The following NUGGC variants were observed in gnomAD, a reference collection of about 807,000 sequenced individuals.
NUGGC encodes the protein nuclear GTPase SLIP-GC.
Under a neutral mutation model 92.6 loss-of-function variants are expected in NUGGC, and 58 were observed. The ratio of observed to expected loss-of-function variants is 0.63; its 90% confidence interval spans 0.51 to 0.78. The LOEUF is 0.78. Ranked by LOEUF, NUGGC falls within the 30% of genes least tolerant of loss-of-function variation. NUGGC has a pLI of 0.00. For synonymous variants in NUGGC, 376 were observed against 366.4 expected, an observed-to-expected ratio of 1.03 and a Z score of -0.30; for missense variants, 925 against 964.6, an observed-to-expected ratio of 0.96 and a Z score of 0.54.
intron 7 of NUGGC, among the ~76,000 whole-genome samples, chr8:28,063,256 C>G (rs1377819600): frequency 1.3e-5 from 2 of 152,208 alleles, no homozygotes; most frequent in Non-Finnish European, 2.9e-5. Flanking sequence ...CGGTGGGAAC[C>G]ATCCCTCGCT....
intron 10 of NUGGC, among the ~76,000 whole-genome samples, chr8:28,051,228 CTTG>C (rs1318669261): frequency 6.6e-6 from 1 of 152,144 alleles, no homozygotes; most frequent in Admixed American, 6.5e-5. Context: ...ACCTGAATAT[CTTG>C]TTGTAGCTAG....
intron 12 of NUGGC, among the ~76,000 whole-genome samples, chr8:28,041,621 G>A (rs1167770707): frequency 1.3e-5 from 2 of 152,136 alleles, no homozygotes; most frequent in African/African-American, 4.8e-5. Flanking sequence ...AGTTTTTAAG[G>A]ATAATGCTTC....
At chr8:28,077,186 A>G (rs1490850397) in intron 1 of NUGGC, among the ~76,000 whole-genome samples, 1 of 152,268 alleles carries the variant, frequency 6.6e-6, no homozygotes, top group African/African-American at 2.4e-5. Flanking sequence ...ATGCTGACAC[A>G]CATCAAAACC....
At chr8:28,069,444 T>G (rs1810529870) in intron 4 of NUGGC, 100 bp downstream of exon 4, 1 of 645,736 alleles carries the variant, frequency 1.5e-6, no homozygotes, top group Non-Finnish European at 2.8e-6. Flanking sequence ...TTTCTTAGTT[T>G]CTAATTAAAT....
At chr8:28,073,655 G>A (rs534751235) in intron 2 of NUGGC, among the ~76,000 whole-genome samples, 18 of 152,196 alleles carry the variant, frequency 1.2e-4, no homozygotes, top group South Asian at 4.1e-4. Context: ...GAAGCCACCC[G>A]CACTGACTCC....
chr8:28,078,393 G>A (rs1051848525), intron 1 of NUGGC, among the ~76,000 whole-genome samples: 1 of 152,170 alleles, frequency 6.6e-6, no homozygotes, highest in Non-Finnish European at 1.5e-5. Context: ...TAAACAAATG[G>A]GGGTAGTTTG....
In NUGGC at chr8:28,064,672, A is replaced by T; in HGVS notation, c.771T>A (p.Asp257Glu). ...AGATGCGCATCTCAGCGGCCTCTCC[A>T]TCCCAATCTCTCCTCTGTGTGCGGA... ...PYIRTQRRDWDGEAAEMRIWP... is the reference protein window; with the variant it reads ...PYIRTQRRDWEGEAAEMRIWP... Residue 257 changes from aspartate (D) to glutamate (E), a missense_variant, in exon 7 of 19, where the codon GAT becomes GAA. Physicochemically the swap from Asp to Glu is conservative, Grantham distance 45. Coordinates refer to ENST00000413272, the MANE Select transcript of NUGGC (RefSeq NM_001010906.2). 1 of 1,613,938 alleles carries T rather than the reference A, an allele frequency of 6.2e-7. No individual in the cohort carries two copies. The highest frequency in any genetic ancestry group is 8.5e-7 in the Non-Finnish European group (1 of 1,179,882).
chr8:28,025,872 A>G (rs1460602858), intron 18 of NUGGC, among the ~76,000 whole-genome samples: 1 of 152,202 alleles, frequency 6.6e-6, no homozygotes, highest in Admixed American at 6.5e-5. Context: ...CAGGGTGCAG[A>G]GCAAGGCTCC....
intron 12 of NUGGC, among the ~76,000 whole-genome samples, chr8:28,045,098 T>A (rs142589297): frequency 1.7e-3 from 261 of 152,364 alleles, no homozygotes; most frequent in African/African-American, 4.4e-3. Context: ...TATTTTCCTG[T>A]GCTCTTCTGA....
chr8:28,051,379 T>G (rs912486536), intron 10 of NUGGC, among the ~76,000 whole-genome samples: 1 of 152,202 alleles, frequency 6.6e-6, no homozygotes, highest in South Asian at 2.1e-4. Context: ...GAGCTCATTA[T>G]GATCCTAAAA....
Position 28,069,543 on chromosome 8 carries a change from C to A in NUGGC, c.257+1G>T. On this transcript the variant is annotated splice_donor_variant, in intron 4 of 18. Transcript: ENST00000413272. LOFTEE classifies it high-confidence loss of function. ...TTCAGGGTTGCAGATTTCAGACTCA[C>A]ATGAGATACTTGACTCCATTAGGGA... is the stretch of plus-strand genomic sequence containing the variant. 6.7e-7 allele frequency: 1 copy of A among 1,494,982 alleles called. No homozygotes were observed. The highest frequency in any genetic ancestry group is 9.3e-7 in the Non-Finnish European group (1 of 1,073,394). 92.6% of individuals were successfully genotyped at this position (1,494,982 alleles called of 1,614,324 possible).
Position 28,067,735 on chromosome 8 carries a change from C to T in NUGGC, c.490G>A (p.Glu164Lys), listed in dbSNP as rs1442985929. ...AGTTTGGTCAGGTTCTTCAGCTCCT[C>T]CCTCCACTCCTGCCAAGGCAGAGTA... ...IHLLSDQEWR[E>K]ELKNLTKLLH... The change falls in exon 6 of 19, where the codon GAG becomes AAG. Residue 164 changes from glutamate (E) to lysine (K), a missense_variant. Physicochemically the swap from Glu to Lys is moderately conservative, Grantham distance 56 (BLOSUM62 1). Coordinates refer to ENST00000413272, the MANE Select transcript of NUGGC (RefSeq NM_001010906.2). The T allele has an allele frequency of 6.2e-7, 1 of 1,612,090 alleles. No individual in the cohort carries two copies. The highest frequency in any genetic ancestry group is 1.3e-5 in the African/African-American group (1 of 74,906).
chr8:28,025,077 G>A (rs1809222973), intron 18 of NUGGC, among the ~76,000 whole-genome samples: 1 of 152,184 alleles, frequency 6.6e-6, no homozygotes. Context: ...TCCACCCACT[G>A]GGCTGTGAGC....
At chr8:28,050,719 G>T (rs890944468) in intron 10 of NUGGC, among the ~76,000 whole-genome samples, 1 of 151,906 alleles carries the variant, frequency 6.6e-6, no homozygotes, top group Non-Finnish European at 1.5e-5. Flanking sequence ...ACTGAGGCAG[G>T]AGAATCACTT....
At chr8:28,062,849 C>T (rs1403244426) in intron 7 of NUGGC, among the ~76,000 whole-genome samples, 3 of 152,100 alleles carry the variant, frequency 2.0e-5, no homozygotes, top group African/African-American at 2.4e-5. Context: ...AATTTCAGAC[C>T]GACCCCACAC....
At chr8:28,039,124 T>C (rs1191715118) in intron 13 of NUGGC, among the ~76,000 whole-genome samples, 1 of 152,194 alleles carries the variant, frequency 6.6e-6, no homozygotes. Context: ...TCACCCCAAC[T>C]TATCTCCTCC....
intron 18 of NUGGC, among the ~76,000 whole-genome samples, chr8:28,025,279 A>G (rs938355010): frequency 6.6e-6 from 1 of 152,222 alleles, no homozygotes; most frequent in Non-Finnish European, 1.5e-5. Flanking sequence ...ACTGCCTTTT[A>G]GATTTCTTTA....
intron 11 of NUGGC, 28 bp downstream of exon 11, chr8:28,047,479 T>A: frequency 7.5e-7 from 1 of 1,338,968 alleles, no homozygotes; most frequent in Non-Finnish European, 1.0e-6. Flanking sequence ...AGAATTTTAG[T>A]GATGGAGATT....
chr8:28,083,541 G>GAATCA (rs1810901643), intron 1 of NUGGC, among the ~76,000 whole-genome samples: 1 of 152,146 alleles, frequency 6.6e-6, no homozygotes, highest in Admixed American at 6.5e-5. Flanking sequence ...CCAAGAATCT[G>GAATCA]AATCAAGCAC....
Sources: gnomAD v4.1 joint callset for allele counts (sites outside exome capture counted in the v4.1 genomes callset) on GRCh38, gnomAD v4.1.1 for gene constraint, MANE v1.5 for transcripts, NCBI Gene and HGNC (gene_info 2026-07-23, HGNC 2026-07-21) for gene names.